Variants in SLC37A3 observed in about 807,000 individuals in gnomAD.
SLC37A3 encodes the protein sugar phosphate exchanger 3.
SLC37A3 carries 51 observed loss-of-function variants against 67.1 expected under a neutral mutation model. The ratio of observed to expected loss-of-function variants is 0.76; its 90% CI spans 0.61 to 0.96. The LOEUF (loss-of-function observed/expected upper bound fraction) is 0.96, where lower values mean the gene tolerates loss of function less well. Among genes scored for constraint, SLC37A3 ranks in the 40% least tolerant of loss-of-function variants. The probability of loss-of-function intolerance (pLI) is 0.00; values close to 1 mark genes in which losing one functional copy is unlikely to be tolerated. For missense variants in SLC37A3, 508 were observed against 603.0 expected, an observed-to-expected ratio of 0.84 and a Z score of 1.65; for synonymous variants, 214 against 231.4, an observed-to-expected ratio of 0.92 and a Z score of 0.68.
At chr7:140,362,581 C>T (rs1289179227) in intron 5 of SLC37A3, among the ~76,000 whole-genome samples, 1 of 94,260 alleles carries the variant, frequency 1.1e-5, no homozygotes, top group Non-Finnish European at 2.4e-5. Flanking sequence ...CCAGCCGCCC[C>T]GTCCGGGAGG....
chr7:140,353,407 C>A (rs1161033714), intron 7 of SLC37A3, among the ~76,000 whole-genome samples: 1 of 151,592 alleles, frequency 6.6e-6, no homozygotes, highest in African/African-American at 2.4e-5. Flanking sequence ...CTCCTGAACC[C>A]AGGAGGTTGC....
In SLC37A3 at chr7:140,370,148, A is replaced by AG. The variant is rs1218460815; in HGVS notation, c.199-467dup. On this transcript the variant is annotated intron_variant, in intron 3 of 14. Transcript: ENST00000326232. ...AAGAAAAGAAAAGAAAGAAATAACTAGTTTTTTTTTTTGCTTTTATTATTT... is the reference window on the plus strand; with the variant it reads ...AAGAAAAGAAAAGAAAGAAATAACTAGGTTTTTTTTTTTGCTTTTATTATTT... 4.6e-5 allele frequency among the ~76,000 whole-genome samples: 3 copies of AG among 65,370 alleles called. No homozygotes were observed. The Admixed American group carries it at 5.1e-4, about 11-fold the overall frequency. 42.9% of individuals were successfully genotyped at this position (65,370 alleles called of 152,430 possible).
At chr7:140,398,087 T>C (rs1404351556) in intron 1 of SLC37A3, among the ~76,000 whole-genome samples, 2 of 152,090 alleles carry the variant, frequency 1.3e-5, no homozygotes, top group African/African-American at 2.4e-5. Flanking sequence ...TCTGATCAAG[T>C]CAGAATCTCC....
At chr7:140,355,092 G>A (rs1459372283) in intron 7 of SLC37A3, among the ~76,000 whole-genome samples, 2 of 151,664 alleles carry the variant, frequency 1.3e-5, no homozygotes, top group Non-Finnish European at 2.9e-5. Flanking sequence ...CTTCTCAACT[G>A]GTTATATGTC....
chr7:140,368,725 A>C (rs1797704772), intron 4 of SLC37A3, among the ~76,000 whole-genome samples: 1 of 152,114 alleles, frequency 6.6e-6, no homozygotes, highest in African/African-American at 2.4e-5. Context: ...ATGCATCCAA[A>C]AGCGAGTCAT....
In SLC37A3 at chr7:140,383,687, T is replaced by A. The variant is rs116026457; in HGVS notation, c.-70-1091A>T. On this transcript the variant is annotated intron_variant, in intron 1 of 14. Coordinates refer to ENST00000326232, the MANE Select transcript of SLC37A3 (RefSeq NM_207113.3). ...CCACTACTTCCAGTGGCTTTTTTTT[T>A]AATTTTTGAGACAGGGTCTCACTCT... is the stretch of plus-strand genomic sequence containing the variant. Among the ~76,000 whole-genome samples the A allele has an allele frequency of 9.5e-3, 1,450 of 151,928 alleles. 22 individuals carry two copies. Among genetic ancestry groups the A allele is most frequent in the African/African-American group, 0.032 (1,343 of 41,392 alleles).
chr7:140,376,170 T>C (rs546939884), intron 3 of SLC37A3, among the ~76,000 whole-genome samples: 1 of 152,146 alleles, frequency 6.6e-6, no homozygotes, highest in Non-Finnish European at 1.5e-5. Context: ...CAGAATTCAG[T>C]TGAAATACAC....
intron 1 of SLC37A3, among the ~76,000 whole-genome samples, chr7:140,392,088 C>T (rs1413605119): frequency 6.6e-6 from 1 of 152,094 alleles, no homozygotes; most frequent in Admixed American, 6.6e-5. Flanking sequence ...GGGGAACTCT[C>T]CTTACGGAAA....
chr7:140,339,543 G>A (rs10239639), intron 13 of SLC37A3, among the ~76,000 whole-genome samples: 21,031 of 151,896 alleles, frequency 0.14, 3,007 homozygotes, highest in African/African-American at 0.37. Flanking sequence ...TAACAGGCAT[G>A]AGCCACCGCG....
At chr7:140,369,772 C>T in intron 3 of SLC37A3, 90 bp from the exon 4 acceptor site, 1 of 973,714 alleles carries the variant, frequency 1.0e-6, no homozygotes, top group Non-Finnish European at 1.6e-6. Context: ...ACTTCCAAAG[C>T]ACCAGTAATG....
chr7:140,398,192 C>T (rs1223056717), intron 1 of SLC37A3, among the ~76,000 whole-genome samples: 2 of 152,170 alleles, frequency 1.3e-5, no homozygotes, highest in Admixed American at 1.3e-4. Context: ...GGGTCCTTCT[C>T]CTCCCCATCC....
At chr7:140,390,008 G>A (rs1417779258) in intron 1 of SLC37A3, among the ~76,000 whole-genome samples, 1 of 152,116 alleles carries the variant, frequency 6.6e-6, no homozygotes, top group Non-Finnish European at 1.5e-5. Flanking sequence ...AGGATCACTT[G>A]AGGCCAGGCC....
chr7:140,351,525 A>G, intron 8 of SLC37A3, 74 bp from the exon 9 acceptor site: 1 of 1,404,454 alleles, frequency 7.1e-7, no homozygotes, highest in Middle Eastern at 1.8e-4. Flanking sequence ...ATCCCTACTT[A>G]TGAGGTGATG....
intron 8 of SLC37A3, chr7:140,351,703 G>C (rs1796809541): frequency 7.0e-6 from 4 of 570,904 alleles, no homozygotes; most frequent in Non-Finnish European, 1.2e-5. Context: ...TTTAACTACA[G>C]GTTAAGTATC....
chr7:140,343,637 T>A (rs1796446168), intron 12 of SLC37A3, 74 bp from the exon 13 acceptor site: 1 of 1,466,198 alleles, frequency 6.8e-7, no homozygotes, highest in East Asian at 2.3e-5. Context: ...GGCAAAATAA[T>A]ATCCGAATAG....
At chr7:140,351,896 TG>T in intron 8 of SLC37A3, 165 bp downstream of exon 8, 1 of 744,680 alleles carries the variant, frequency 1.3e-6, no homozygotes, top group Non-Finnish European at 2.4e-6. Flanking sequence ...TGCCAGGGGC[TG>T]GCTACAATGT....
intron 9 of SLC37A3, among the ~76,000 whole-genome samples, chr7:140,349,231 T>C (rs1482491351): frequency 6.6e-6 from 1 of 152,216 alleles, no homozygotes; most frequent in Non-Finnish European, 1.5e-5. Context: ...TTCTACTCCT[T>C]GCCAAGGCAA....
chr7:140,392,784 T>G (rs944688553), intron 1 of SLC37A3, among the ~76,000 whole-genome samples: 1 of 152,154 alleles, frequency 6.6e-6, no homozygotes, highest in Non-Finnish European at 1.5e-5. Context: ...TGGTATTATA[T>G]GCCTAAGGTA....
intron 1 of SLC37A3, among the ~76,000 whole-genome samples, chr7:140,388,118 C>T (rs1379525300): frequency 1.4e-5 from 2 of 146,204 alleles, no homozygotes; most frequent in East Asian, 2.0e-4. Context: ...TTTTAAAAGA[C>T]AAAAAAAAAA....
Sources: gnomAD v4.1 joint callset for allele counts (sites outside exome capture counted in the v4.1 genomes callset) on GRCh38, gnomAD v4.1.1 for gene constraint, MANE v1.5 for transcripts, NCBI Gene and HGNC (gene_info 2026-07-23, HGNC 2026-07-21) for gene names.